CDKL3: variants seen among roughly 807,000 people sequenced by gnomAD.
CDKL3 encodes cyclin-dependent kinase-like 3.
In CDKL3, 65 loss-of-function variants were observed where a neutral mutation model predicts 69.3. That is an observed-to-expected ratio of 0.94 (90% CI 0.77 to 1.15). The LOEUF (loss-of-function observed/expected upper bound fraction) is 1.15, where lower values mean the gene tolerates loss of function less well. CDKL3 is among the 50% of genes most tolerant of loss of function. The probability of loss-of-function intolerance (pLI) is 0.00; values close to 1 mark genes in which losing one functional copy is unlikely to be tolerated. For synonymous variants in CDKL3, 202 were observed against 221.6 expected (o/e 0.91, Z 0.79); for missense variants, 652 against 689.2 (o/e 0.95, Z 0.61).
At chr5:134,310,142 C>T (rs1580860714) in intron 7 of CDKL3, among the ~76,000 whole-genome samples, 4 of 151,304 alleles carry the variant, frequency 2.6e-5, no homozygotes, top group Admixed American at 2.0e-4. Context: ...ATAACTGCCA[C>T]TTTTTATCAA....
intron 3 of CDKL3, 27 bp from the exon 4 acceptor site, chr5:134,350,454 C>T: frequency 2.1e-6 from 3 of 1,403,788 alleles, no homozygotes; most frequent in Non-Finnish European, 2.9e-6. Flanking sequence ...ATACAAAATA[C>T]ATTAAAATGA....
chr5:134,317,446 AC>A (rs1771437438), intron 6 of CDKL3, among the ~76,000 whole-genome samples: 1 of 152,114 alleles, frequency 6.6e-6, no homozygotes, highest in Non-Finnish European at 1.5e-5. Context: ...GAGCCACTGC[AC>A]CTAGCCATTT....
downstream of CDKL3, among the ~76,000 whole-genome samples, chr5:134,295,018 T>C (rs928012357): frequency 1.4e-4 from 20 of 143,220 alleles, no homozygotes; most frequent in Admixed American, 4.1e-4. Context: ...TTTCTTTTTT[T>C]TTTTTTTTTT....
At chr5:134,367,284 A>C (rs1435472686), upstream of CDKL3, 27 of 981,972 alleles carry the variant, frequency 2.7e-5, no homozygotes, top group Non-Finnish European at 3.0e-5. Context: ...TGTGCTTGGG[A>C]ATGGGGGAGG....
chr5:134,286,053 C>A (rs1482906515), downstream of CDKL3, among the ~76,000 whole-genome samples: 2 of 152,136 alleles, frequency 1.3e-5, no homozygotes, highest in Non-Finnish European at 2.9e-5. Flanking sequence ...ACCCAGTAGG[C>A]ACAGGTTGCA....
chr5:134,369,350 C>T (rs1175085591), upstream of CDKL3, among the ~76,000 whole-genome samples: 1 of 152,150 alleles, frequency 6.6e-6, no homozygotes, highest in Non-Finnish European at 1.5e-5. Flanking sequence ...CTCCAGTTCC[C>T]ATCTTCAGGA....
intron 3 of CDKL3, among the ~76,000 whole-genome samples, chr5:134,356,318 G>T (rs1754606673): frequency 6.6e-6 from 1 of 152,226 alleles, no homozygotes; most frequent in Non-Finnish European, 1.5e-5. Flanking sequence ...AATGCAAAGT[G>T]GCTGTAAATA....
At chr5:134,296,952 C>CTTTTTTTTTTTTTTTT (rs111349325), downstream of CDKL3, among the ~76,000 whole-genome samples, 2 of 131,300 alleles carry the variant, frequency 1.5e-5, no homozygotes, top group Non-Finnish European at 3.2e-5. Flanking sequence ...CTTTTCTTTT[C>CTTTTTTTTTTTTTTTT]TTTTTTTTTT....
rs1375451503 is a variant in CDKL3, at chr5:134,359,877, GC to G, written c.360+19del. The stretch of plus-strand genomic sequence containing the variant: ...TGATTCATATTCATCCTACAAATTG[GC>G]TTATTCTGAAGCACTTACATTATTA... On this transcript the variant is annotated intron_variant, in intron 3 of 12. Coordinates refer to ENST00000265334, the MANE Select transcript of CDKL3 (RefSeq NM_001113575.2). 6.6e-7 allele frequency: 1 copy of G among 1,503,838 alleles called. No homozygotes were observed. Among genetic ancestry groups the G allele is most frequent in the Non-Finnish European group, 9.0e-7 (1 of 1,110,986 alleles). 93.2% of individuals were successfully genotyped at this position (1,503,838 alleles called of 1,614,324 possible).
chr5:134,371,533 G>A (rs1054411665), upstream of CDKL3: 2 of 1,583,504 alleles, frequency 1.3e-6, no homozygotes, highest in South Asian at 1.1e-5. Context: ...CGCCGCGCCG[G>A]GGGGTGGGGG....
chr5:134,302,273 T>A (rs1766542476), intron 12 of CDKL3: 2 of 462,222 alleles, frequency 4.3e-6, no homozygotes. Flanking sequence ...TGTGGCCATA[T>A]AACCATATAT....
chr5:134,369,006 GAC>G (rs1169018105), upstream of CDKL3, among the ~76,000 whole-genome samples: 1 of 152,176 alleles, frequency 6.6e-6, no homozygotes, highest in African/African-American at 2.4e-5. Context: ...CAACCTGGGT[GAC>G]AGAGCAAAAC....
At chr5:134,300,988 G>A (rs142150114) in intron 12 of CDKL3, among the ~76,000 whole-genome samples, 2 of 151,614 alleles carry the variant, frequency 1.3e-5, no homozygotes, top group East Asian at 1.9e-4. Flanking sequence ...ACCGAAAGAT[G>A]ACTATTAATG....
intron 4 of CDKL3, among the ~76,000 whole-genome samples, chr5:134,328,670 A>C (rs1774994537): frequency 6.6e-6 from 1 of 152,146 alleles, no homozygotes; most frequent in South Asian, 2.1e-4. Flanking sequence ...AAATACAGGA[A>C]GCTCAACAAA....
intron 4 of CDKL3, among the ~76,000 whole-genome samples, chr5:134,325,847 T>G (rs571098396): frequency 6.6e-6 from 1 of 151,918 alleles, no homozygotes; most frequent in Non-Finnish European, 1.5e-5. Flanking sequence ...GACTGGAGGC[T>G]TGGCCTCCCA....
At chr5:134,296,300 G>A (rs1411173568), downstream of CDKL3, among the ~76,000 whole-genome samples, 1 of 152,002 alleles carries the variant, frequency 6.6e-6, no homozygotes, top group African/African-American at 2.4e-5. Flanking sequence ...TTGCAAACCA[G>A]GAAAAGACAA....
chr5:134,286,280 A>G (rs1764856952), downstream of CDKL3: 1 of 152,488 alleles, frequency 6.6e-6, no homozygotes, highest in Non-Finnish European at 1.5e-5. Context: ...CCAGTTCCCA[A>G]CAAGTTCCTC....
upstream of CDKL3, among the ~76,000 whole-genome samples, chr5:134,367,671 G>A (rs1757785400): frequency 6.6e-6 from 1 of 152,070 alleles, no homozygotes; most frequent in South Asian, 2.1e-4. Context: ...ACCGCCCCCG[G>A]TCAAGATGGT....
At chr5:134,363,741 G>A (rs568768622) in intron 2 of CDKL3, among the ~76,000 whole-genome samples, 1 of 152,072 alleles carries the variant, frequency 6.6e-6, no homozygotes, top group Non-Finnish European at 1.5e-5. Context: ...GATTACTGGC[G>A]TGAACCACCG....
Sources: allele counts gnomAD v4.1 joint callset (sites outside exome capture counted in the v4.1 genomes callset), GRCh38; gene constraint gnomAD v4.1.1; transcripts MANE v1.5; gene names NCBI Gene and HGNC (gene_info 2026-07-23, HGNC 2026-07-21).